The following C2CD5 variants were observed in gnomAD, a reference collection of about 807,000 sequenced individuals.
C2CD5 encodes C2 domain-containing protein 5.
In C2CD5, 109 loss-of-function variants were observed where a neutral mutation model predicts 130.3. The ratio of observed to expected loss-of-function variants is 0.84; its 90% CI spans 0.72 to 0.98. The LOEUF is 0.98. Among genes scored for constraint, C2CD5 ranks in the 50% least tolerant of loss-of-function variants. The probability of loss-of-function intolerance (pLI) is 0.00; values close to 1 mark genes in which losing one functional copy is unlikely to be tolerated. For synonymous variants in C2CD5, 454 were observed against 429.2 expected, an observed-to-expected ratio of 1.06 and a Z score of -0.71; for missense variants, 996 against 1,261.8, an observed-to-expected ratio of 0.79 and a Z score of 3.19.
Position 22,448,640 on chromosome 12 carries a change from T to G in C2CD5, c.*1120A>C, listed in dbSNP as rs1014248090. On this transcript the variant is annotated 3_prime_UTR_variant, in exon 27 of 27. Transcript: ENST00000446597. ...AAATTATAAACAAAATACAGAAAAA[T>G]ATTGACACCTGTGATAACAAGGAAA... 6.6e-6 allele frequency: 1 copy of G among 152,384 alleles called. No homozygotes were observed. The highest frequency in any genetic ancestry group is 1.5e-5 in the Non-Finnish European group (1 of 68,012). 9.4% of individuals were successfully genotyped at this position (152,384 alleles called of 1,614,324 possible).
intron 15 of C2CD5, chr12:22,477,997 C>T (rs1565686449): frequency 7.3e-6 from 2 of 274,842 alleles, no homozygotes; most frequent in Non-Finnish European, 1.4e-5. Context: ...AAAAGACCAA[C>T]AAAACACACA....
At chr12:22,544,287 C>A (rs1228549759) in intron 1 of C2CD5, 33 bp downstream of exon 1, 8 of 659,994 alleles carry the variant, frequency 1.2e-5, no homozygotes, top group Admixed American at 4.0e-5. Context: ...CGCGCGCGGG[C>A]GCCCGGCAGT....
intron 16 of C2CD5, 138 bp from the exon 17 acceptor site, chr12:22,472,945 A>G (rs368721982): frequency 1.3e-4 from 81 of 606,548 alleles, no homozygotes; most frequent in Non-Finnish European, 1.5e-4. Context: ...AAAAATTCTA[A>G]TATCAGTAAA....
At position 22,529,749 on chromosome 12, in the gene C2CD5, G is replaced by C. The variant is rs181525029; in HGVS notation, c.178-1857C>G. 1.4e-4 allele frequency among the ~76,000 whole-genome samples: 22 copies of C among 152,150 alleles called. 1 individual carries two copies. The highest frequency in any genetic ancestry group is 8.5e-4 in the Admixed American group (13 of 15,274). On this transcript the variant is annotated intron_variant, in intron 3 of 26. Coordinates refer to ENST00000446597, the MANE Select transcript of C2CD5 (RefSeq NM_001286176.2). ...TGATACAAGCATAAATCATTACAGA[G>C]AGCTTGGTAGGGAGGGGGCAAACTT...
chr12:22,451,555 C>T (rs529916853), intron 26 of C2CD5, among the ~76,000 whole-genome samples: 48 of 152,116 alleles, frequency 3.2e-4, no homozygotes, highest in African/African-American at 1.0e-3. Flanking sequence ...CAGAGGAAGA[C>T]GACTGGTGGT....
rs1938100368 is a variant in C2CD5 at position 22,449,722 on chromosome 12, G to A, written c.*38C>T. ...TAATGACAAAATAACAGAGATTGAT[G>A]AATTTCATTTAGTTGAGCTCTTTTT... On this transcript the variant is annotated 3_prime_UTR_variant, in exon 27 of 27. Coordinates refer to ENST00000446597, the MANE Select transcript of C2CD5 (RefSeq NM_001286176.2). 2.0e-6 allele frequency: 3 copies of A among 1,515,358 alleles called. No homozygotes were observed. The highest frequency in any genetic ancestry group is 1.4e-5 in the African/African-American group (1 of 73,086). 93.9% of individuals were successfully genotyped at this position (1,515,358 alleles called of 1,614,324 possible).
chr12:22,457,530 C>G (rs530275112), intron 24 of C2CD5, among the ~76,000 whole-genome samples: 20 of 151,924 alleles, frequency 1.3e-4, no homozygotes, highest in Non-Finnish European at 2.4e-4. Flanking sequence ...GTTCTATTTC[C>G]CAGTGCAATT....
At chr12:22,468,345 C>T (rs899970692) in intron 22 of C2CD5, among the ~76,000 whole-genome samples, 8 of 152,196 alleles carry the variant, frequency 5.3e-5, no homozygotes, top group Admixed American at 1.3e-4. Context: ...CAGCCTCCCA[C>T]GGAGCTAGGA....
intron 3 of C2CD5, among the ~76,000 whole-genome samples, chr12:22,532,467 C>G (rs932471741): frequency 2.0e-5 from 3 of 152,044 alleles, no homozygotes; most frequent in Admixed American, 6.6e-5. Context: ...AACAGAGGCT[C>G]CAAATGGTAA....
intron 25 of C2CD5, among the ~76,000 whole-genome samples, chr12:22,454,620 T>C (rs1386124639): frequency 2.0e-5 from 3 of 151,478 alleles, no homozygotes; most frequent in Non-Finnish European, 4.4e-5. Context: ...GGTCCCAACT[T>C]ACATATAATG....
intron 12 of C2CD5, among the ~76,000 whole-genome samples, chr12:22,488,864 G>A (rs1036629651): frequency 2.0e-5 from 3 of 150,272 alleles, no homozygotes; most frequent in Non-Finnish European, 4.4e-5. Flanking sequence ...ACAAGATACA[G>A]AATTTTTTTG....
chr12:22,455,198 C>T (rs564144376), intron 25 of C2CD5, among the ~76,000 whole-genome samples: 1 of 152,262 alleles, frequency 6.6e-6, no homozygotes, highest in East Asian at 1.9e-4. Context: ...TTGCTTCAGC[C>T]TGCCTCCAAC....
intron 2 of C2CD5, among the ~76,000 whole-genome samples, chr12:22,539,537 T>C (rs1952145033): frequency 6.6e-6 from 1 of 151,914 alleles, no homozygotes. Flanking sequence ...TAAAGAAGCT[T>C]TAGACATTTC....
intron 3 of C2CD5, among the ~76,000 whole-genome samples, chr12:22,530,111 TACAC>T (rs199603129): frequency 0.11 from 9,278 of 86,634 alleles, 617 homozygotes; most frequent in Non-Finnish European, 0.14. Flanking sequence ...TATATATATA[TACAC>T]ACACACACAC....
chr12:22,526,916 A>G (rs965545229), intron 4 of C2CD5, among the ~76,000 whole-genome samples: 52 of 152,300 alleles, frequency 3.4e-4, no homozygotes, highest in African/African-American at 1.1e-3. Flanking sequence ...CACTCTGGGA[A>G]GCTGAGGCAG....
At chr12:22,463,915 A>G (rs1941624276) in intron 22 of C2CD5, 1 of 152,206 alleles carries the variant, frequency 6.6e-6, no homozygotes, top group African/African-American at 2.4e-5. Context: ...CTATTTAAAC[A>G]TTCTCAGTTT....
rs367946774 is a variant in C2CD5, at chr12:22,483,491, G to A, written c.1551-748C>T. The stretch of plus-strand genomic sequence containing the variant: ...TGGTGAAAGAGTACTTCAATGTGCT[G>A]TAAAGAAATAGCTGCCAGCCCAAAA... On this transcript the variant is annotated intron_variant, in intron 13 of 26. Transcript: ENST00000446597. Among the ~76,000 whole-genome samples the A allele has an allele frequency of 1.2e-4, 19 of 152,176 alleles. 1 individual carries two copies. The highest frequency in any genetic ancestry group is 4.3e-4 in the African/African-American group (18 of 41,538).
intron 7 of C2CD5, 116 bp from the exon 8 acceptor site, chr12:22,518,253 G>C: frequency 1.1e-6 from 1 of 943,982 alleles, no homozygotes; most frequent in Non-Finnish European, 1.7e-6. Flanking sequence ...CATTTCTTAC[G>C]TGTGGAGCTG....
intron 8 of C2CD5, chr12:22,515,239 A>G: frequency 2.6e-6 from 1 of 390,776 alleles, no homozygotes; most frequent in Non-Finnish European, 3.5e-6. Context: ...GGCAAAATAT[A>G]ACAATAAAAA....
Sources: gnomAD v4.1 joint callset for allele counts (sites outside exome capture counted in the v4.1 genomes callset) on GRCh38, gnomAD v4.1.1 for gene constraint, MANE v1.5 for transcripts, NCBI Gene and HGNC (gene_info 2026-07-23, HGNC 2026-07-21) for gene names.